The following PRKCE variants were observed in gnomAD, a reference collection of about 807,000 sequenced individuals.
PRKCE encodes protein kinase C epsilon.
In PRKCE, 16 loss-of-function variants were observed where a neutral mutation model predicts 85.4. The ratio of observed to expected loss-of-function variants is 0.19; its 90% CI spans 0.13 to 0.28. The LOEUF (loss-of-function observed/expected upper bound fraction) is 0.28, where lower values mean the gene tolerates loss of function less well. Among genes scored for constraint, PRKCE ranks in the 10% least tolerant of loss-of-function variants. PRKCE has a pLI of 1.00. For missense variants in PRKCE, 573 were observed against 975.2 expected, an observed-to-expected ratio of 0.59 and a Z score of 5.49; for synonymous variants, 388 against 371.5, an observed-to-expected ratio of 1.04 and a Z score of -0.51.
At chr2:45,970,574 A>G (rs1702043037) in intron 2 of PRKCE, among the ~76,000 whole-genome samples, 2 of 152,142 alleles carry the variant, frequency 1.3e-5, no homozygotes, top group Admixed American at 1.3e-4. Context: ...ACTGTTCTAG[A>G]CTAAGATTAA....
chr2:45,729,363 G>T (rs528359309), intron 1 of PRKCE, among the ~76,000 whole-genome samples: 11 of 152,178 alleles, frequency 7.2e-5, no homozygotes, highest in Admixed American at 2.0e-4. Flanking sequence ...CTTAGCAGGG[G>T]TCATTGCATC....
intron 2 of PRKCE, among the ~76,000 whole-genome samples, chr2:45,881,372 C>G (rs13424270): frequency 6.6e-6 from 1 of 151,848 alleles, no homozygotes; most frequent in Non-Finnish European, 1.5e-5. Context: ...GTGGACACAT[C>G]TTAAAACACT....
intron 2 of PRKCE, among the ~76,000 whole-genome samples, chr2:45,882,696 C>T (rs935670): frequency 0.58 from 87,821 of 152,124 alleles, 26,274 homozygotes; most frequent in East Asian, 0.97. Context: ...CATCCACCAA[C>T]GGAAGAGAAA....
intron 11 of PRKCE, among the ~76,000 whole-genome samples, chr2:46,090,055 G>A (rs545852468): frequency 4.6e-5 from 7 of 152,254 alleles, no homozygotes; most frequent in South Asian, 4.2e-4. Context: ...GTAAGGGGAT[G>A]GGTGAAAACA....
chr2:46,182,151 C>T (rs1303391380), intron 14 of PRKCE, among the ~76,000 whole-genome samples: 4 of 152,242 alleles, frequency 2.6e-5, no homozygotes, highest in East Asian at 3.9e-4. Context: ...ATACCCAGGG[C>T]TTCCCTAATT....
chr2:45,759,857 TCTC>T (rs1684313763), intron 1 of PRKCE, among the ~76,000 whole-genome samples: 1 of 152,180 alleles, frequency 6.6e-6, no homozygotes, highest in South Asian at 2.1e-4. Flanking sequence ...CTGGCTTAAG[TCTC>T]CTCACTGCTT....
At chr2:45,773,758 C>T (rs1299572669) in intron 1 of PRKCE, among the ~76,000 whole-genome samples, 3 of 152,206 alleles carry the variant, frequency 2.0e-5, no homozygotes, top group Non-Finnish European at 4.4e-5. Context: ...GTTTGCCCCA[C>T]AGCAGCCTGT....
intron 1 of PRKCE, among the ~76,000 whole-genome samples, chr2:45,828,395 G>A (rs2012635): frequency 0.77 from 117,691 of 152,108 alleles, 46,034 homozygotes; most frequent in African/African-American, 0.88. Context: ...GCGAGACTCC[G>A]TCTCAAAAAA....
chr2:46,166,770 C>T (rs1678382222), intron 14 of PRKCE: 1 of 152,238 alleles, frequency 6.6e-6, no homozygotes, highest in Non-Finnish European at 1.5e-5. Context: ...GCAGGCAGAT[C>T]ACTTGCACTC....
chr2:45,928,483 G>A (rs1698796907), intron 2 of PRKCE, among the ~76,000 whole-genome samples: 1 of 152,112 alleles, frequency 6.6e-6, no homozygotes, highest in Non-Finnish European at 1.5e-5. Flanking sequence ...TGCCCAGACT[G>A]GTCTCCAACT....
At chr2:45,827,437 G>A (rs1690040866) in intron 1 of PRKCE, among the ~76,000 whole-genome samples, 1 of 152,190 alleles carries the variant, frequency 6.6e-6, no homozygotes, top group Middle Eastern at 3.2e-3. Context: ...TCAGATCGTG[G>A]TGTGGGCTTG....
chr2:45,692,507 C>G (rs975705923), intron 1 of PRKCE, among the ~76,000 whole-genome samples: 14 of 152,142 alleles, frequency 9.2e-5, no homozygotes, highest in Admixed American at 9.2e-4. Context: ...GATTACTCTG[C>G]AAAGGCCATA....
At chr2:46,078,004 A>C (rs756265609) in intron 10 of PRKCE, 1 of 152,178 alleles carries the variant, frequency 6.6e-6, no homozygotes, top group Non-Finnish European at 1.5e-5. Context: ...AATAAATTTG[A>C]TTTGGTGAAG....
At chr2:46,084,550 C>T (rs902110349) in intron 10 of PRKCE, among the ~76,000 whole-genome samples, 12 of 151,824 alleles carry the variant, frequency 7.9e-5, no homozygotes, top group Non-Finnish European at 1.6e-4. Context: ...GGTGAAACGC[C>T]ATCTCTACTA....
chr2:45,694,994 G>A (rs1336079066), intron 1 of PRKCE, among the ~76,000 whole-genome samples: 1 of 152,138 alleles, frequency 6.6e-6, no homozygotes, highest in Non-Finnish European at 1.5e-5. Context: ...TGGCTATAAA[G>A]AGCCAACTGC....
chr2:46,121,996 G>T (rs987005591), intron 11 of PRKCE, among the ~76,000 whole-genome samples: 1 of 151,598 alleles, frequency 6.6e-6, no homozygotes, highest in African/African-American at 2.4e-5. Flanking sequence ...TTTTCCCATT[G>T]AGATATAATA....
chr2:46,175,124 A>G (rs1177757110), intron 14 of PRKCE, among the ~76,000 whole-genome samples: 1 of 152,150 alleles, frequency 6.6e-6, no homozygotes, highest in African/African-American at 2.4e-5. Context: ...TCCCACCAGT[A>G]TATATAAAGT....
At chr2:46,028,189 G>T (rs57684703) in intron 10 of PRKCE, among the ~76,000 whole-genome samples, 2 of 152,048 alleles carry the variant, frequency 1.3e-5, no homozygotes, top group Non-Finnish European at 2.9e-5. Flanking sequence ...TGATCCGCCC[G>T]TCTCAGCCTC....
intron 11 of PRKCE, among the ~76,000 whole-genome samples, chr2:46,111,238 C>T (rs569729748): frequency 1.3e-5 from 2 of 152,170 alleles, no homozygotes; most frequent in South Asian, 4.2e-4. Flanking sequence ...TCAACTATAT[C>T]CTTATTGATT....
Sources: gnomAD v4.1 joint callset for allele counts (sites outside exome capture counted in the v4.1 genomes callset) on GRCh38, gnomAD v4.1.1 for gene constraint, MANE v1.5 for transcripts, NCBI Gene and HGNC (gene_info 2026-07-23, HGNC 2026-07-21) for gene names.